The following ELAVL2 variants were observed in gnomAD, a reference collection of about 807,000 sequenced individuals.
ELAVL2 encodes ELAV-like protein 2.
A neutral mutation model predicts 34.6 loss-of-function variants in ELAVL2; 4 were observed. The ratio of observed to expected loss-of-function variants is 0.12; its 90% CI spans 0.06 to 0.26. The LOEUF (loss-of-function observed/expected upper bound fraction) is 0.26. ELAVL2 is among the 10% of genes least tolerant of loss of function. The pLI is 1.00. For synonymous variants in ELAVL2, 193 were observed against 154.8 expected (o/e 1.25, Z -1.83); for missense variants, 432 against 442.8 (o/e 0.98, Z 0.22).
intron 2 of ELAVL2, among the ~76,000 whole-genome samples, chr9:23,747,256 C>T (rs1188150413): frequency 3.9e-5 from 6 of 152,088 alleles, no homozygotes; most frequent in Non-Finnish European, 5.9e-5. Flanking sequence ...GGATGATTCA[C>T]ATCCTGGGCA....
chr9:23,749,218 G>A (rs920171489), intron 2 of ELAVL2, among the ~76,000 whole-genome samples: 5 of 152,058 alleles, frequency 3.3e-5, no homozygotes, highest in Non-Finnish European at 7.4e-5. Context: ...AGCCATTTAA[G>A]CTTTAATTCT....
Position 23,712,048 on chromosome 9 carries a change from C to G in ELAVL2, c.334-6977G>C, listed in dbSNP as rs559812660. 4.6e-5 allele frequency among the ~76,000 whole-genome samples: 7 copies of G among 152,244 alleles called. No homozygotes were observed. The South Asian group carries it at 1.2e-3, about 27-fold the overall frequency. On this transcript the variant is annotated intron_variant, in intron 3 of 6. Transcript: ENST00000397312. ...TTCAAGTCCCCAGAGGCGACACAAT[C>G]TTCAACAAAGTAATATGGTGCTGAT...
intron 1 of ELAVL2, among the ~76,000 whole-genome samples, chr9:23,787,805 A>G (rs1285100823): frequency 1.3e-5 from 2 of 152,184 alleles, no homozygotes; most frequent in Admixed American, 6.5e-5. Context: ...ACCACTGTAA[A>G]AGACTTTTGT....
At chr9:23,737,210 G>T (rs1351346870) in intron 2 of ELAVL2, among the ~76,000 whole-genome samples, 2 of 152,306 alleles carry the variant, frequency 1.3e-5, no homozygotes, top group Admixed American at 1.3e-4. Flanking sequence ...GTGAATGACT[G>T]AATGAAAAAC....
intron 1 of ELAVL2, among the ~76,000 whole-genome samples, chr9:23,800,252 C>G (rs946294452): frequency 1.2e-4 from 18 of 152,146 alleles, no homozygotes; most frequent in African/African-American, 4.3e-4. Flanking sequence ...ATAGGGACCC[C>G]AAATTCTGAA....
At chr9:23,841,402 C>G in the ELAVL2 span, among the ~76,000 whole-genome samples, 1 of 152,110 alleles carries the variant, frequency 6.6e-6, no homozygotes, top group Non-Finnish European at 1.5e-5. Flanking sequence ...AATTCCAATG[C>G]TGCTACACCA....
intron 1 of ELAVL2, among the ~76,000 whole-genome samples, chr9:23,813,169 T>G (rs2063236912): frequency 6.6e-6 from 1 of 152,210 alleles, no homozygotes; most frequent in African/African-American, 2.4e-5. Flanking sequence ...TAGATTAATA[T>G]TATCCACCTT....
intron 3 of ELAVL2, among the ~76,000 whole-genome samples, chr9:23,725,829 A>T (rs916898675): frequency 3.3e-5 from 5 of 152,256 alleles, no homozygotes; most frequent in African/African-American, 1.2e-4. Context: ...AAAAGTTAAC[A>T]TTTCTTCTTA....
At chr9:23,727,413 T>C (rs2045498401) in intron 3 of ELAVL2, among the ~76,000 whole-genome samples, 1 of 152,102 alleles carries the variant, frequency 6.6e-6, no homozygotes, top group African/African-American at 2.4e-5. Context: ...TCGCCCAGCA[T>C]GCTCAAGAAA....
chr9:23,759,753 A>ATTAT (rs1554719985), intron 2 of ELAVL2, among the ~76,000 whole-genome samples: 6 of 50,060 alleles, frequency 1.2e-4, no homozygotes, highest in African/African-American at 6.0e-4. Flanking sequence ...CATATATAGT[A>ATTAT]TTATATATAT....
At chr9:23,719,239 G>C (rs909960756) in intron 3 of ELAVL2, among the ~76,000 whole-genome samples, 1 of 152,158 alleles carries the variant, frequency 6.6e-6, no homozygotes, top group Non-Finnish European at 1.5e-5. Context: ...CCTGGGTCTT[G>C]CTGACTGATA....
intron 2 of ELAVL2, among the ~76,000 whole-genome samples, chr9:23,746,863 T>C (rs1224735202): frequency 6.8e-6 from 1 of 147,848 alleles, no homozygotes; most frequent in Non-Finnish European, 1.5e-5. Flanking sequence ...TTCAAATAAA[T>C]GACTGCATCC....
At chr9:23,821,732 G>A (rs1300966201) in intron 1 of ELAVL2, 1 of 151,704 alleles carries the variant, frequency 6.6e-6, no homozygotes, top group Admixed American at 6.6e-5. Context: ...AAGGGGACTG[G>A]AAGCCGGCGG....
chr9:23,810,060 A>G (rs1421216300), intron 1 of ELAVL2, among the ~76,000 whole-genome samples: 1 of 152,168 alleles, frequency 6.6e-6, no homozygotes, highest in African/African-American at 2.4e-5. Flanking sequence ...ACAAGTTCAA[A>G]AAACAGCCCT....
At chr9:23,717,472 G>A (rs547688246) in intron 3 of ELAVL2, among the ~76,000 whole-genome samples, 1 of 152,294 alleles carries the variant, frequency 6.6e-6, no homozygotes, top group East Asian at 1.9e-4. Context: ...TTTTGTAGAA[G>A]GTTATTACTT....
chr9:23,790,623 A>G (rs561149871), intron 1 of ELAVL2, among the ~76,000 whole-genome samples: 9 of 152,198 alleles, frequency 5.9e-5, no homozygotes, highest in Non-Finnish European at 1.2e-4. Flanking sequence ...CTCTCTGCTG[A>G]TTACCTTGAA....
chr9:23,747,799 T>C lies in ELAVL2; in HGVS notation c.229+14207A>G, dbSNP rs534383193. On this transcript the variant is annotated intron_variant, in intron 2 of 6. Transcript: ENST00000397312. Reference sequence around the variant, plus strand: ...CAGGAAATTGCTTTTCAGTTGTCAATAGCCAACGTCTGAAAATAAATCCAG... The same window carrying C: ...CAGGAAATTGCTTTTCAGTTGTCAACAGCCAACGTCTGAAAATAAATCCAG... Among the ~76,000 whole-genome samples, 13 of 152,300 alleles carry C rather than the reference T, an allele frequency of 8.5e-5. No homozygotes were observed. In the South Asian group the frequency reaches 1.7e-3, roughly 19 times the overall value.
At chr9:23,835,619 A>T in the ELAVL2 span, among the ~76,000 whole-genome samples, 2 of 152,270 alleles carry the variant, frequency 1.3e-5, no homozygotes, top group African/African-American at 4.8e-5. Context: ...TGTATAACTA[A>T]TGTCTACTTG....
chr9:23,744,691 A>G (rs1479730620), intron 2 of ELAVL2, among the ~76,000 whole-genome samples: 1 of 151,968 alleles, frequency 6.6e-6, no homozygotes, highest in Non-Finnish European at 1.5e-5. Context: ...ATGGATCTTA[A>G]CACAAAAGCC....
Sources: allele counts gnomAD v4.1 joint callset (sites outside exome capture counted in the v4.1 genomes callset), GRCh38; gene constraint gnomAD v4.1.1; transcripts MANE v1.5; gene names NCBI Gene and HGNC (gene_info 2026-07-23, HGNC 2026-07-21).